Variants in SRP72 observed in about 807,000 individuals in gnomAD.
SRP72 encodes the protein signal recognition particle 72.
SRP72 carries 49 observed loss-of-function variants against 96.3 expected under a neutral mutation model. The ratio of observed to expected loss-of-function variants is 0.51; its 90% confidence interval spans 0.40 to 0.65. SRP72 has a LOEUF of 0.65. Ranked by LOEUF, SRP72 falls within the 30% of genes least tolerant of loss-of-function variation. SRP72 has a pLI of 0.00. For synonymous variants in SRP72, 267 were observed against 275.2 expected (o/e 0.97, Z 0.30); for missense variants, 736 against 793.3 (o/e 0.93, Z 0.87).
chr4:56,481,766 TC>T (rs1430573005), intron 8 of SRP72, among the ~76,000 whole-genome samples: 30 of 144,784 alleles, frequency 2.1e-4, no homozygotes, highest in Non-Finnish European at 4.2e-4. Flanking sequence ...ATCTGTTGGC[TC>T]CTTTTTTTTT....
intron 16 of SRP72, among the ~76,000 whole-genome samples, chr4:56,491,946 C>T (rs1007519845): frequency 3.3e-5 from 5 of 152,102 alleles, no homozygotes; most frequent in African/African-American, 7.2e-5. Flanking sequence ...GTGCAGCCTC[C>T]GCCTCCCGGG....
chr4:56,480,121 T>C (rs1157013926), intron 8 of SRP72, among the ~76,000 whole-genome samples: 1 of 152,208 alleles, frequency 6.6e-6, no homozygotes, highest in Non-Finnish European at 1.5e-5. Context: ...ATGTAGATAA[T>C]GGCATTAAAA....
intron 15 of SRP72, among the ~76,000 whole-genome samples, 186 bp downstream of exon 15, chr4:56,490,831 C>G (rs1027633688): frequency 6.6e-6 from 1 of 152,154 alleles, no homozygotes; most frequent in Non-Finnish European, 1.5e-5. Flanking sequence ...ATAGATCCAA[C>G]TTAGGGTTCA....
Position 56,501,643 on chromosome 4 carries a change from G to A in SRP72, c.1839-41G>A, listed in dbSNP as rs76774105. The A allele has an allele frequency of 0.031, 48,413 of 1,574,098 alleles. 1,689 individuals carry two copies. Among genetic ancestry groups the A allele is most frequent in the East Asian group, 0.21 (9,485 of 44,402 alleles). ...ACATACATTTTTATACTCTTCCTTC[G>A]TTGAATATATGAGTGACCAAAAATG... On this transcript the variant is annotated intron_variant, in intron 18 of 18. Transcript: ENST00000642900.
intron 9 of SRP72, among the ~76,000 whole-genome samples, chr4:56,483,791 C>T (rs895066105): frequency 1.3e-5 from 2 of 151,960 alleles, no homozygotes; most frequent in Admixed American, 1.3e-4. Context: ...AAACAGTATT[C>T]ACACCTTTAA....
At chr4:56,495,229 GGTAAGCTGATACCAAGTCTTA>G (rs1244647473) in intron 16 of SRP72, 107 bp from the exon 17 acceptor site, 1 of 475,374 alleles carries the variant, frequency 2.1e-6, no homozygotes, top group Non-Finnish European at 3.7e-6. Flanking sequence ...TGTTAGCTTT[GGTAAGCTGATACCAAGTCTTA>G]AACCATGTTT....
At chr4:56,473,341 C>A (rs1720057442) in intron 3 of SRP72, among the ~76,000 whole-genome samples, 1 of 151,786 alleles carries the variant, frequency 6.6e-6, no homozygotes, top group Non-Finnish European at 1.5e-5. Context: ...GCGCCTGGTC[C>A]CAGCTACTCG....
chr4:56,471,661 T>A, intron 2 of SRP72, 59 bp from the exon 3 acceptor site: 3 of 1,587,534 alleles, frequency 1.9e-6, no homozygotes, highest in Non-Finnish European at 2.6e-6. Context: ...GTGTTGTATA[T>A]AATGGGTGCA....
intron 12 of SRP72, among the ~76,000 whole-genome samples, 190 bp downstream of exon 12, chr4:56,488,203 A>G (rs1382981045): frequency 2.0e-5 from 3 of 152,158 alleles, no homozygotes; most frequent in East Asian, 3.9e-4. Context: ...TATTCAGTCA[A>G]ATGTGCCAGG....
At position 56,474,052 on chromosome 4, in the gene SRP72, A is replaced by C; in HGVS notation, c.355-2A>C. The stretch of plus-strand genomic sequence containing the variant: ...ATTTTTTACTTGCTATTTATTATTC[A>C]GTTATACCGTTTGGAACGCTATGAT... On this transcript the variant is annotated splice_acceptor_variant, in intron 3 of 18. Coordinates refer to ENST00000642900, the MANE Select transcript of SRP72 (RefSeq NM_006947.4). LOFTEE classifies it high-confidence loss of function. The C allele has an allele frequency of 6.2e-7, 1 of 1,606,474 alleles. No individual in the cohort carries two copies. Among genetic ancestry groups the C allele is most frequent in the Non-Finnish European group, 8.5e-7 (1 of 1,177,588 alleles).
chr4:56,490,313 T>C lies in SRP72; in HGVS notation c.1321-20T>C. The C allele has an allele frequency of 6.3e-7, 1 of 1,597,942 alleles. No homozygotes were observed. Among genetic ancestry groups the C allele is most frequent in the Non-Finnish European group, 8.5e-7 (1 of 1,173,174 alleles). On this transcript the variant is annotated intron_variant, in intron 13 of 18. Coordinates refer to ENST00000642900, the MANE Select transcript of SRP72 (RefSeq NM_006947.4). Reference sequence around the variant, plus strand: ...GATATTTAACTTGAAACTTTTTTTTTCTTTTTATTGAAACTGTAGCCAAAA... The same window carrying C: ...GATATTTAACTTGAAACTTTTTTTTCCTTTTTATTGAAACTGTAGCCAAAA...
At chr4:56,479,797 A>G (rs150577369) in intron 8 of SRP72, among the ~76,000 whole-genome samples, 5 of 152,252 alleles carry the variant, frequency 3.3e-5, no homozygotes, top group East Asian at 1.9e-4. Flanking sequence ...AAACATTTCA[A>G]GGTCACAATT....
In SRP72 at chr4:56,483,219, A is replaced by T; in HGVS notation, c.906A>T (p.Gln302His). The T allele has an allele frequency of 6.2e-7, 1 of 1,612,632 alleles. No individual in the cohort carries two copies. Among genetic ancestry groups the T allele is most frequent in the Non-Finnish European group, 8.5e-7 (1 of 1,179,752 alleles). Residue 302 changes from glutamine to histidine, a missense_variant, in exon 9 of 19, where the codon CAA (glutamine) becomes CAT (histidine). Transcript: ENST00000642900. ...TAGAGTTTAAGCTTTCCAAGAAACA[A>T]CTACAAGCTATAGAATTTAACAAAG... The part of the protein sequence containing the change: ...EGVEFKLSKK[Q>H]LQAIEFNKAL...
At chr4:56,467,897 C>G (rs1044363339) in intron 1 of SRP72, among the ~76,000 whole-genome samples, 153 bp downstream of exon 1, 9 of 152,176 alleles carry the variant, frequency 5.9e-5, no homozygotes, top group Admixed American at 2.6e-4. Flanking sequence ...GCCCTAGCGC[C>G]CGGAAGACGC....
chr4:56,497,835 G>T (rs1393173064), intron 17 of SRP72, among the ~76,000 whole-genome samples: 1 of 152,090 alleles, frequency 6.6e-6, no homozygotes, highest in Non-Finnish European at 1.5e-5. Context: ...GTTGGTGAGT[G>T]CTTCTCACCA....
At position 56,474,355 on chromosome 4, in the gene SRP72, C is replaced by G. The variant is rs772592244; in HGVS notation, c.574C>G (p.Leu192Val). Residue 192 changes from leucine to valine, a missense_variant, in exon 5 of 19, where the codon CTG becomes GTG. Transcript: ENST00000642900. ...TACALIGQGQLNQAMKILQKA... is the reference protein window; with the variant it reads ...TACALIGQGQVNQAMKILQKA... ...ATGTGCACTGATAGGCCAAGGCCAG[C>G]TGAACCAGGCCATGAAAATCCTACA... 5.0e-6 allele frequency: 8 copies of G among 1,614,070 alleles called. 1 individual carries two copies. The South Asian group carries it at 6.6e-5, about 13-fold the overall frequency.
intron 8 of SRP72, among the ~76,000 whole-genome samples, chr4:56,481,743 C>G (rs888355719): frequency 2.1e-5 from 3 of 145,712 alleles, no homozygotes; most frequent in Non-Finnish European, 3.0e-5. Context: ...TGTGGCAACT[C>G]TGTGTTGAGC....
chr4:56,467,800 G>A, intron 1 of SRP72, 56 bp downstream of exon 1: 1 of 1,398,058 alleles, frequency 7.2e-7, no homozygotes, highest in Non-Finnish European at 9.4e-7. Context: ...GATGCGGCCT[G>A]TTTCCGGCGC....
intron 8 of SRP72, among the ~76,000 whole-genome samples, chr4:56,479,297 A>AGCCTCCC (rs1720375787): frequency 6.6e-6 from 1 of 151,956 alleles, no homozygotes; most frequent in Non-Finnish European, 1.5e-5. Context: ...CTCCTGCCTC[A>AGCCTCCC]GCCTCCCAAG....
Sources: allele counts gnomAD v4.1 joint callset (sites outside exome capture counted in the v4.1 genomes callset), GRCh38; gene constraint gnomAD v4.1.1; transcripts MANE v1.5; gene names NCBI Gene and HGNC (gene_info 2026-07-23, HGNC 2026-07-21).